The following DPP10 variants were observed in gnomAD, a reference collection of about 807,000 sequenced individuals.
The protein encoded by DPP10 is inactive dipeptidyl peptidase 10.
In DPP10, 33 loss-of-function variants were observed where a neutral mutation model predicts 120.9. That is an observed-to-expected ratio of 0.27 (90% CI 0.21 to 0.37). The LOEUF is 0.37. DPP10 is among the 10% of genes least tolerant of loss of function. The pLI is 1.00. For synonymous variants in DPP10, 337 were observed against 326.1 expected (o/e 1.03, Z -0.36); for missense variants, 816 against 942.8 (o/e 0.87, Z 1.76).
intron 21 of DPP10, among the ~76,000 whole-genome samples, chr2:115,829,536 T>C (rs1688711616): frequency 6.6e-6 from 1 of 152,280 alleles, no homozygotes; most frequent in South Asian, 2.1e-4. Context: ...TCCCAAAATA[T>C]GCAACTGGAA....
chr2:114,665,458 G>A (rs1371663447), intron 1 of DPP10, among the ~76,000 whole-genome samples: 1 of 151,886 alleles, frequency 6.6e-6, no homozygotes, highest in Middle Eastern at 3.2e-3. Context: ...GAGAAAACAC[G>A]ACATGAAGCT....
chr2:115,518,137 T>C (rs1287599097), intron 4 of DPP10, among the ~76,000 whole-genome samples: 1 of 152,170 alleles, frequency 6.6e-6, no homozygotes, highest in African/African-American at 2.4e-5. Flanking sequence ...CACCAAGCCA[T>C]TCATGAGGAA....
intron 1 of DPP10, among the ~76,000 whole-genome samples, chr2:115,247,785 G>A (rs569310755): frequency 6.6e-6 from 1 of 152,278 alleles, no homozygotes; most frequent in South Asian, 2.1e-4. Context: ...GGAAAGAAAT[G>A]TGTTTGAGAA....
At chr2:115,053,145 A>T (rs993473170) in intron 1 of DPP10, among the ~76,000 whole-genome samples, 1 of 152,166 alleles carries the variant, frequency 6.6e-6, no homozygotes, top group East Asian at 1.9e-4. Context: ...GCGACTGAAA[A>T]TAGTTGTTCA....
intron 5 of DPP10, among the ~76,000 whole-genome samples, chr2:115,566,940 C>A (rs1027227110): frequency 6.6e-6 from 1 of 152,068 alleles, no homozygotes; most frequent in African/African-American, 2.4e-5. Flanking sequence ...CATTGAGAAA[C>A]CTGGATTCCA....
At chr2:114,502,977 G>A (rs78964529) in intron 1 of DPP10, among the ~76,000 whole-genome samples, 19,388 of 152,220 alleles carry the variant, frequency 0.13, 1,406 homozygotes, top group South Asian at 0.24. Context: ...ATAAAAGTGC[G>A]TGTGTGTCTG....
chr2:114,749,402 C>T (rs1678967294), intron 1 of DPP10, among the ~76,000 whole-genome samples: 1 of 152,010 alleles, frequency 6.6e-6, no homozygotes, highest in Non-Finnish European at 1.5e-5. Flanking sequence ...GAATGGGTTG[C>T]TTTACTTCTA....
chr2:114,518,872 G>T (rs1467017453), intron 1 of DPP10, among the ~76,000 whole-genome samples: 2 of 152,208 alleles, frequency 1.3e-5, no homozygotes, highest in Admixed American at 1.3e-4. Flanking sequence ...TTCAAACTGT[G>T]TTTCATGGAG....
intron 5 of DPP10, among the ~76,000 whole-genome samples, chr2:115,615,613 T>C (rs2084435130): frequency 6.6e-6 from 1 of 152,162 alleles, no homozygotes; most frequent in African/African-American, 2.4e-5. Flanking sequence ...AAATAAAATA[T>C]AAAAACAATT....
At chr2:114,934,835 T>TA (rs1696338642) in intron 1 of DPP10, among the ~76,000 whole-genome samples, 1 of 152,092 alleles carries the variant, frequency 6.6e-6, no homozygotes, top group African/African-American at 2.4e-5. Context: ...GAATAGAAAG[T>TA]AGTATCATAG....
At chr2:115,241,041 C>T (rs1462885138) in intron 1 of DPP10, among the ~76,000 whole-genome samples, 1 of 152,110 alleles carries the variant, frequency 6.6e-6, no homozygotes, top group Non-Finnish European at 1.5e-5. Context: ...GAGTCCAAGG[C>T]AGGCAGATCA....
At chr2:115,191,509 C>T (rs1286831263) in intron 1 of DPP10, among the ~76,000 whole-genome samples, 1 of 152,094 alleles carries the variant, frequency 6.6e-6, no homozygotes, top group African/African-American at 2.4e-5. Flanking sequence ...GACGTGGTTA[C>T]GTTAATAAGT....
intron 1 of DPP10, among the ~76,000 whole-genome samples, chr2:114,788,552 A>G (rs1682967154): frequency 6.6e-6 from 1 of 152,008 alleles, no homozygotes; most frequent in Admixed American, 6.6e-5. Flanking sequence ...AGTAGCTGGG[A>G]CTACAGGCGC....
chr2:115,652,409 A>ATGTGTATGTGTGTGTGTGTGTGTG (rs1181566449), intron 5 of DPP10, among the ~76,000 whole-genome samples: 1 of 145,490 alleles, frequency 6.9e-6, no homozygotes, highest in African/African-American at 2.6e-5. Flanking sequence ...TAGGATATAT[A>ATGTGTATGTGTGTGTGTGTGTGTG]TGTGTGTGTG....
chr2:114,603,626 GA>G, intron 1 of DPP10, among the ~76,000 whole-genome samples: 1 of 152,200 alleles, frequency 6.6e-6, no homozygotes, highest in African/African-American at 2.4e-5. Flanking sequence ...TAAGGAAAGT[GA>G]AAATGACTAA....
intron 1 of DPP10, among the ~76,000 whole-genome samples, chr2:115,011,511 AT>A (rs1380798361): frequency 6.6e-6 from 1 of 152,184 alleles, no homozygotes; most frequent in Non-Finnish European, 1.5e-5. Flanking sequence ...CCATGGTAAT[AT>A]TGTTTGCTCT....
At chr2:115,511,830 T>C (rs1452464605) in intron 4 of DPP10, among the ~76,000 whole-genome samples, 1 of 149,748 alleles carries the variant, frequency 6.7e-6, no homozygotes, top group Non-Finnish European at 1.5e-5. Context: ...CAGGCTCAAG[T>C]GATCCTCCCA....
chr2:115,013,678 A>AAAAAAAAG (rs1702426445), intron 1 of DPP10, among the ~76,000 whole-genome samples: 1 of 150,158 alleles, frequency 6.7e-6, no homozygotes. Flanking sequence ...AAAAAAAAAA[A>AAAAAAAAG]GTACAGGGGT....
At chr2:114,861,094 G>A (rs752305640) in intron 1 of DPP10, among the ~76,000 whole-genome samples, 5 of 152,180 alleles carry the variant, frequency 3.3e-5, no homozygotes, top group Non-Finnish European at 7.3e-5. Flanking sequence ...CTATTTGTGT[G>A]TAGATACTGT....
Sources: allele counts gnomAD v4.1 joint callset (sites outside exome capture counted in the v4.1 genomes callset), GRCh38; gene constraint gnomAD v4.1.1; transcripts MANE v1.5; gene names NCBI Gene and HGNC (gene_info 2026-07-23, HGNC 2026-07-21).